Variants in AKT3 observed in about 807,000 individuals in gnomAD.
The protein encoded by AKT3 is AKT serine/threonine kinase 3.
In AKT3, 15 loss-of-function variants were observed where a neutral mutation model predicts 65.3. The observed-to-expected ratio is 0.23, with a 90% CI of 0.15 to 0.35. AKT3 has a LOEUF of 0.35. Ranked by LOEUF, AKT3 falls within the 10% of genes least tolerant of loss-of-function variation. AKT3 has a pLI of 1.00. For missense variants in AKT3, 243 were observed against 576.5 expected (o/e 0.42, Z 5.92); for synonymous variants, 206 against 183.8 (o/e 1.12, Z -0.98).
chr1:243,814,627 A>G (rs1693391350), intron 2 of AKT3: 1 of 152,184 alleles, frequency 6.6e-6, no homozygotes, highest in Non-Finnish European at 1.5e-5. Flanking sequence ...TCTGCATCAA[A>G]TGTTCTCCCC....
At chr1:243,672,185 C>G (rs958464399) in intron 3 of AKT3, among the ~76,000 whole-genome samples, 2 of 152,164 alleles carry the variant, frequency 1.3e-5, no homozygotes, top group African/African-American at 4.8e-5. Context: ...TCCTTGACAT[C>G]TCGTTTCTCC....
intron 12 of AKT3, among the ~76,000 whole-genome samples, chr1:243,541,266 C>T (rs1377593245): frequency 6.6e-6 from 1 of 152,156 alleles, no homozygotes. Flanking sequence ...TCCCTCTCAA[C>T]ACTTTATTTA....
At position 243,553,958 on chromosome 1, in the gene AKT3, T is replaced by C. The variant is rs116592021; in HGVS notation, c.949-1015A>G. Among the ~76,000 whole-genome samples, 832 of 152,280 alleles carry C rather than the reference T, an allele frequency of 5.5e-3. 5 individuals carry two copies. The highest frequency in any genetic ancestry group is 0.017 in the Middle Eastern group (5 of 294). ...AGATGGGGAAAACCAAATATATGAATTTATCAATTTAAAAACACTTACAAC... is the reference window on the plus strand; with the variant it reads ...AGATGGGGAAAACCAAATATATGAACTTATCAATTTAAAAACACTTACAAC... On this transcript the variant is annotated intron_variant, in intron 10 of 13. Coordinates refer to ENST00000673466, the MANE Select transcript of AKT3 (RefSeq NM_005465.7).
At position 243,668,064 on chromosome 1, in the gene AKT3, C is replaced by T. The variant is rs989520487; in HGVS notation, c.173-3181G>A. ...TCCATAGCATGTTACCATTTTCTAA[C>T]ATTTGATATGAAGTTTTTTAGTATC... On this transcript the variant is annotated intron_variant, in intron 3 of 13. Transcript: ENST00000673466. 2.6e-5 allele frequency among the ~76,000 whole-genome samples: 4 copies of T among 152,146 alleles called. No homozygotes were observed. The East Asian group carries it at 7.7e-4, about 29-fold the overall frequency.
At chr1:243,753,165 GA>G (rs1688914921) in intron 2 of AKT3, among the ~76,000 whole-genome samples, 1 of 152,164 alleles carries the variant, frequency 6.6e-6, no homozygotes, top group East Asian at 1.9e-4. Flanking sequence ...TGCTTCTAAG[GA>G]GTAAGTGAAA....
At position 243,503,587 on chromosome 1, in the gene AKT3, G is replaced by T. The variant is rs1669476432; in HGVS notation, c.*1662C>A. 8.6e-6 allele frequency: 2 copies of T among 233,240 alleles called. No individual in the cohort carries two copies. 14.4% of individuals were successfully genotyped at this position (233,240 alleles called of 1,614,324 possible). A position where few individuals can be genotyped will look rare whatever the true frequency, so the allele number is the denominator to read the frequency against. ...AATTGTCAGCTCCTAGCACCAAAGG[G>T]TTTAATCTGAAGATCATCATTAATG... On this transcript the variant is annotated 3_prime_UTR_variant, in exon 14 of 14. Transcript: ENST00000673466.
chr1:243,776,794 C>G (rs921099911), intron 2 of AKT3, among the ~76,000 whole-genome samples: 9 of 152,134 alleles, frequency 5.9e-5, no homozygotes, highest in African/African-American at 2.2e-4. Context: ...TCTGATATGT[C>G]TGAGTGCCTA....
intron 6 of AKT3, 31 bp from the exon 7 acceptor site, chr1:243,615,192 T>A: frequency 6.5e-7 from 1 of 1,530,810 alleles, no homozygotes; most frequent in Non-Finnish European, 9.0e-7. Context: ...ACCTTCAATA[T>A]ATGTTTTGAG....
chr1:243,817,908 C>T (rs1693623980), intron 2 of AKT3: 1 of 152,196 alleles, frequency 6.6e-6, no homozygotes, highest in South Asian at 2.1e-4. Context: ...AAGATAAATG[C>T]TAAATTGTAA....
chr1:243,840,277 G>A (rs1280897038), intron 2 of AKT3, among the ~76,000 whole-genome samples: 1 of 152,096 alleles, frequency 6.6e-6, no homozygotes, highest in Non-Finnish European at 1.5e-5. Context: ...TACAAAGAGA[G>A]CGTAAGAAAT....
chr1:243,807,145 G>A (rs1692779497), intron 2 of AKT3, among the ~76,000 whole-genome samples: 1 of 152,206 alleles, frequency 6.6e-6, no homozygotes, highest in African/African-American at 2.4e-5. Context: ...TTCCAAATGA[G>A]GTACCAGGTT....
chr1:243,818,607 CAT>C (rs1387819596), intron 2 of AKT3, among the ~76,000 whole-genome samples: 4 of 151,926 alleles, frequency 2.6e-5, no homozygotes, highest in Non-Finnish European at 5.9e-5. Flanking sequence ...GAAAACTTAA[CAT>C]AAAGTTTACC....
At chr1:243,850,767 G>A (rs995643995), upstream of AKT3, among the ~76,000 whole-genome samples, 1 of 150,498 alleles carries the variant, frequency 6.6e-6, no homozygotes, top group African/African-American at 2.4e-5. Flanking sequence ...CAAACCAGCG[G>A]TGCCCCGCGC....
intron 4 of AKT3, among the ~76,000 whole-genome samples, chr1:243,652,653 T>C (rs981544122): frequency 1.3e-5 from 2 of 150,788 alleles, no homozygotes; most frequent in African/African-American, 4.9e-5. Flanking sequence ...GACTGGCAAA[T>C]TGGATAAAGA....
intron 2 of AKT3, among the ~76,000 whole-genome samples, chr1:243,716,586 C>T (rs1299260483): frequency 1.3e-5 from 2 of 152,020 alleles, no homozygotes; most frequent in East Asian, 1.9e-4. Context: ...AGCAGAAATT[C>T]GAGTAATGCA....
chr1:243,623,819 C>A (rs1333772656), intron 6 of AKT3, among the ~76,000 whole-genome samples: 1 of 152,194 alleles, frequency 6.6e-6, no homozygotes, highest in Non-Finnish European at 1.5e-5. Flanking sequence ...GAGCCAATTT[C>A]CCAGTGAATT....
At chr1:243,726,458 T>C (rs1263767696) in intron 2 of AKT3, among the ~76,000 whole-genome samples, 2 of 152,202 alleles carry the variant, frequency 1.3e-5, no homozygotes, top group Non-Finnish European at 2.9e-5. Flanking sequence ...CAATCTAAAA[T>C]ATGGCAAATA....
At chr1:243,488,415 C>T (rs1436431761) in exon 14 of AKT3, 1 of 160,066 alleles carries the variant, frequency 6.2e-6, no homozygotes, top group African/African-American at 2.4e-5. Context: ...GCCAACAGTT[C>T]CATGGGTGAC....
intron 2 of AKT3, among the ~76,000 whole-genome samples, chr1:243,764,608 G>A (rs181536069): frequency 3.2e-4 from 48 of 152,054 alleles, no homozygotes; most frequent in African/African-American, 1.1e-3. Context: ...TTAAAATCCC[G>A]AGTACTGACC....
Sources: allele counts gnomAD v4.1 joint callset (sites outside exome capture counted in the v4.1 genomes callset), GRCh38; gene constraint gnomAD v4.1.1; transcripts MANE v1.5; gene names NCBI Gene and HGNC (gene_info 2026-07-23, HGNC 2026-07-21).